The following RALGDS variants were observed in gnomAD, a reference collection of about 807,000 sequenced individuals.
RALGDS encodes ral guanine nucleotide exchange factor.
A neutral mutation model predicts 99.8 loss-of-function variants in RALGDS; 44 were observed. The observed-to-expected ratio is 0.44, with a 90% CI of 0.35 to 0.57. The LOEUF is 0.57. Ranked by LOEUF, RALGDS falls within the 20% of genes least tolerant of loss-of-function variation. RALGDS has a pLI of 0.01. For missense variants in RALGDS, 1,022 were observed against 1,203.1 expected, an observed-to-expected ratio of 0.85 and a Z score of 2.23; for synonymous variants, 529 against 505.0, an observed-to-expected ratio of 1.05 and a Z score of -0.64.
At chr9:133,113,747 C>T (rs986112049) in intron 1 of RALGDS, among the ~76,000 whole-genome samples, 2 of 152,220 alleles carry the variant, frequency 1.3e-5, no homozygotes, top group Admixed American at 6.5e-5. Flanking sequence ...GGGTCCCAGA[C>T]TGCCTCCTGT....
At position 133,121,107 on chromosome 9, in the gene RALGDS, G is replaced by T; in HGVS notation, c.48C>A (p.Ala16=). ...GCCGGGAGCCCGGAAACAGCGGCTCGGCGCCGCCAGCAGGCCCGGCCGCCT... is the reference window on the plus strand; with the variant it reads ...GCCGGGAGCCCGGAAACAGCGGCTCTGCGCCGCCAGCAGGCCCGGCCGCCT... ...WAEAAGPAGG[A]EPLFPGSRRS... is the part of the protein sequence containing the mutation. Residue 16 remains alanine, a synonymous_variant, in exon 1 of 18, where the codon GCC becomes GCA. Coordinates refer to ENST00000372050, the MANE Select transcript of RALGDS (RefSeq NM_006266.4). 6.8e-7 allele frequency: 1 copy of T among 1,470,558 alleles called. No individual in the cohort carries two copies. The highest frequency in any genetic ancestry group is 9.0e-7 in the Non-Finnish European group (1 of 1,116,408). The allele number at this position is 1,470,558 out of a possible 1,614,324, so 91.1% of individuals were successfully genotyped here. A position where few individuals can be genotyped will look rare whatever the true frequency, so the allele number is the denominator to read the frequency against.
intron 16 of RALGDS, chr9:133,100,826 C>G (rs1830720909): frequency 9.3e-7 from 1 of 1,074,416 alleles, no homozygotes; most frequent in Non-Finnish European, 1.1e-6. Context: ...ACCCTGAGGG[C>G]CAGAGCACAG....
chr9:133,116,956 A>G (rs1250156667), intron 1 of RALGDS, among the ~76,000 whole-genome samples: 1 of 152,224 alleles, frequency 6.6e-6, no homozygotes, highest in African/African-American at 2.4e-5. Flanking sequence ...CTCAGGTCAC[A>G]CAGCAAATTC....
upstream of RALGDS, among the ~76,000 whole-genome samples, chr9:133,122,076 G>A (rs888871742): frequency 7.2e-5 from 11 of 152,228 alleles, no homozygotes; most frequent in Admixed American, 5.2e-4. Flanking sequence ...GAGTGACAAC[G>A]CTGGGCAGAG....
At chr9:133,101,320 C>T (rs564924439) in intron 16 of RALGDS, 200 bp downstream of exon 16, 29 of 1,421,780 alleles carry the variant, frequency 2.0e-5, no homozygotes, top group Middle Eastern at 3.5e-4. Context: ...GGGCTTTGCA[C>T]GGCTGCTCCT....
chr9:133,100,656 C>G, intron 16 of RALGDS: 1 of 1,336,298 alleles, frequency 7.5e-7, no homozygotes. Flanking sequence ...AGACTGTTCC[C>G]TCCTCCCACA....
At chr9:133,110,720 G>T (rs1015105271) in intron 2 of RALGDS, among the ~76,000 whole-genome samples, 4 of 152,204 alleles carry the variant, frequency 2.6e-5, no homozygotes, top group African/African-American at 9.7e-5. Flanking sequence ...GAAGCCAAGA[G>T]TTTGAGACCA....
chr9:133,143,402 T>C (rs1470148797), intron 1 of RALGDS, among the ~76,000 whole-genome samples: 1 of 152,154 alleles, frequency 6.6e-6, no homozygotes. Flanking sequence ...GCGGGCCTGG[T>C]AGCTCGGTGA....
intron 1 of RALGDS, among the ~76,000 whole-genome samples, chr9:133,112,834 G>A (rs1010024412): frequency 6.6e-6 from 1 of 152,202 alleles, no homozygotes; most frequent in Non-Finnish European, 1.5e-5. Context: ...CCTCGTGCCT[G>A]CTTGGGCAAT....
chr9:133,102,905 G>A lies in RALGDS; in HGVS notation c.1792-5C>T, dbSNP rs771609090. ...CTGGGCGATCACCTCGAACTCCTGG[G>A]GCCAGAGGGAAGCACAGGGCGGTGA... On this transcript the variant is annotated splice_polypyrimidine_tract_variant and splice_region_variant and intron_variant, in intron 12 of 17. Coordinates refer to ENST00000372050, the MANE Select transcript of RALGDS (RefSeq NM_006266.4). 93 of 1,612,872 alleles carry A rather than the reference G, an allele frequency of 5.8e-5. No homozygotes were observed. Among genetic ancestry groups the A allele is most frequent in the Non-Finnish European group, 7.8e-5 (92 of 1,179,948 alleles).
In RALGDS at chr9:133,106,742, G is replaced by A. The variant is rs1245759725; in HGVS notation, c.1420C>T (p.Arg474Trp). ...AGTGACGAGAAGTTCTTGAGGATCC[G>A]GCACTCCTGGGGCGGGAAGAGCAGG... The part of the protein sequence containing the change: ...EHWIEVAREC[R>W]ILKNFSSLYA... The change falls in exon 8 of 18, where the codon CGG (arginine) becomes TGG (tryptophan). Residue 474 changes from arginine (R) to tryptophan (W), a missense_variant. Arg to Trp is a moderately radical substitution (Grantham distance 101). Around this residue, in one of 3 missense-constraint regions of RALGDS, gnomAD observed 825 missense variants for 994.5 expected, o/e 0.83. Coordinates refer to ENST00000372050, the MANE Select transcript of RALGDS (RefSeq NM_006266.4). The A allele has an allele frequency of 3.1e-6, 5 of 1,608,576 alleles. No homozygotes were observed. Among genetic ancestry groups the A allele is most frequent in the Admixed American group, 1.7e-5 (1 of 59,800 alleles).
chr9:133,097,928 G>A lies in RALGDS; in HGVS notation c.*659C>T, dbSNP rs1830578759. 1 of 233,402 alleles carries A rather than the reference G, an allele frequency of 4.3e-6. No homozygotes were observed. The highest frequency in any genetic ancestry group is 8.4e-6 in the Non-Finnish European group (1 of 118,374). The allele number at this position is 233,402 out of a possible 1,614,324, so 14.5% of individuals were successfully genotyped here. On this transcript the variant is annotated 3_prime_UTR_variant, in exon 18 of 18. Transcript: ENST00000372050. ...GGTCTCGTAAAGCCCAGGACGCAGT[G>A]GTGAATGGCACTTGCAGTGGCATGA...
chr9:133,105,681 C>T (rs1356861988), intron 9 of RALGDS, among the ~76,000 whole-genome samples: 1 of 152,166 alleles, frequency 6.6e-6, no homozygotes, highest in African/African-American at 2.4e-5. Flanking sequence ...CTCCTGGAAC[C>T]TCCACTGCTA....
intron 1 of RALGDS, among the ~76,000 whole-genome samples, chr9:133,130,086 C>T (rs1376739232): frequency 6.6e-6 from 1 of 152,186 alleles, no homozygotes; most frequent in Non-Finnish European, 1.5e-5. Context: ...ATTCTCCTGC[C>T]TCAGCCTCCT....
At chr9:133,140,584 C>T (rs951343710) in intron 1 of RALGDS, among the ~76,000 whole-genome samples, 1 of 152,104 alleles carries the variant, frequency 6.6e-6, no homozygotes, top group Admixed American at 6.5e-5. Context: ...TGGGTCCCGG[C>T]CCCCCTTATC....
chr9:133,130,404 G>A (rs935305217), intron 1 of RALGDS, among the ~76,000 whole-genome samples: 7 of 152,182 alleles, frequency 4.6e-5, no homozygotes, highest in African/African-American at 1.2e-4. Flanking sequence ...GTGAGCCACC[G>A]CACCCGGCCA....
intron 1 of RALGDS, among the ~76,000 whole-genome samples, chr9:133,119,999 G>A (rs550542486): frequency 6.6e-6 from 1 of 152,318 alleles, no homozygotes; most frequent in South Asian, 2.1e-4. Context: ...CGGGGACTCA[G>A]GAGGTTCACT....
chr9:133,112,741 G>A (rs1319706123), intron 1 of RALGDS, among the ~76,000 whole-genome samples: 3 of 152,202 alleles, frequency 2.0e-5, no homozygotes, highest in South Asian at 2.1e-4. Flanking sequence ...GCCCTGGTGC[G>A]TTGGCAGCCC....
chr9:133,130,731 C>T (rs753518634), intron 1 of RALGDS, among the ~76,000 whole-genome samples: 4 of 152,166 alleles, frequency 2.6e-5, no homozygotes, highest in Admixed American at 2.0e-4. Context: ...AGCCATCAGA[C>T]GCATCCAACA....
Sources: allele counts gnomAD v4.1 joint callset (sites outside exome capture counted in the v4.1 genomes callset), GRCh38; gene constraint gnomAD v4.1.1; regional missense constraint gnomAD v4.1.1; transcripts MANE v1.5; gene names NCBI Gene and HGNC (gene_info 2026-07-23, HGNC 2026-07-21).